The following KLF8 variants were observed in gnomAD, a reference collection of about 807,000 sequenced individuals.
The protein encoded by KLF8 is KLF transcription factor 8.
Under a neutral mutation model 18.2 loss-of-function variants are expected in KLF8, and 10 were observed. That is an observed-to-expected ratio of 0.55 (90% CI 0.34 to 0.93). The LOEUF (loss-of-function observed/expected upper bound fraction) is 0.93. Among genes scored for constraint, KLF8 ranks in the 40% least tolerant of loss-of-function variants. The probability of loss-of-function intolerance (pLI) is 0.02; values close to 1 mark genes in which losing one functional copy is unlikely to be tolerated. For missense variants in KLF8, 264 were observed against 277.9 expected (o/e 0.95, Z 0.36); for synonymous variants, 109 against 97.3 (o/e 1.12, Z -0.71).
chrX:56,106,526 A>T, the KLF8 span, among the ~76,000 whole-genome samples: 158 of 112,188 alleles, frequency 1.4e-3, 1 homozygote, highest in Non-Finnish European at 2.6e-3. Flanking sequence ...TTGTGCATGC[A>T]TCATGAAGTT....
chrX:56,073,808 C>T, the KLF8 span, among the ~76,000 whole-genome samples: 10 of 106,224 alleles, frequency 9.4e-5, no homozygotes, highest in Non-Finnish European at 1.5e-4. Context: ...TGCAATGGCA[C>T]GATGTCAGCT....
At chrX:56,192,627 T>C in the KLF8 span, among the ~76,000 whole-genome samples, 2 of 111,244 alleles carry the variant, frequency 1.8e-5, no homozygotes, top group African/African-American at 6.5e-5. Context: ...CATAGACCGG[T>C]GGAAAAGAAT....
At chrX:56,120,945 T>G in the KLF8 span, among the ~76,000 whole-genome samples, 13 of 110,923 alleles carry the variant, frequency 1.2e-4, no homozygotes, top group South Asian at 1.5e-3. Context: ...CCAGCACTTT[T>G]GGAGGCCAAG....
the KLF8 span, among the ~76,000 whole-genome samples, chrX:56,087,238 G>A: frequency 9.0e-6 from 1 of 110,732 alleles, no homozygotes; most frequent in Middle Eastern, 4.7e-3. Context: ...TGCCTGATAT[G>A]GTTTGGATCT....
the KLF8 span, among the ~76,000 whole-genome samples, chrX:55,948,465 T>G: frequency 7.1e-5 from 8 of 112,101 alleles, no homozygotes; most frequent in Non-Finnish European, 1.5e-4. Flanking sequence ...CAGACCTGAT[T>G]TATTCCCAAT....
the KLF8 span, among the ~76,000 whole-genome samples, chrX:56,067,442 C>T: frequency 2.7e-5 from 3 of 110,317 alleles, no homozygotes; most frequent in Non-Finnish European, 5.7e-5. Context: ...AGAGGCAGTG[C>T]CTAGATGGTA....
intron 2 of KLF8, among the ~76,000 whole-genome samples, chrX:56,263,509 A>G (rs2066915780): frequency 2.5e-5 from 1 of 39,580 alleles, no homozygotes; most frequent in South Asian, 1.4e-3. Context: ...TTTTTGACGC[A>G]GAGTCTTGCT....
the KLF8 span, among the ~76,000 whole-genome samples, chrX:56,207,443 G>A: frequency 5.4e-5 from 6 of 111,923 alleles, no homozygotes; most frequent in East Asian, 1.4e-3. Flanking sequence ...TACTGAAGTC[G>A]CATCTTGAAC....
the KLF8 span, among the ~76,000 whole-genome samples, chrX:56,055,435 G>C: frequency 8.9e-6 from 1 of 111,847 alleles, no homozygotes; most frequent in Non-Finnish European, 1.9e-5. Flanking sequence ...GAAGTTCACT[G>C]TTTGTCTGAT....
chrX:56,218,536 C>T, the KLF8 span, among the ~76,000 whole-genome samples: 3 of 111,671 alleles, frequency 2.7e-5, no homozygotes, highest in Admixed American at 9.5e-5. Flanking sequence ...TCCATCTGAG[C>T]AATATATTAT....
At chrX:56,090,713 A>G in the KLF8 span, among the ~76,000 whole-genome samples, 1 of 111,603 alleles carries the variant, frequency 9.0e-6, no homozygotes, top group Non-Finnish European at 1.9e-5. Context: ...GATATATTAC[A>G]TAGCAGTGAG....
the KLF8 span, among the ~76,000 whole-genome samples, chrX:56,050,301 T>C: frequency 1.8e-5 from 2 of 111,931 alleles, no homozygotes; most frequent in African/African-American, 6.5e-5. Context: ...ATTTCTTGCC[T>C]TCTGCTAGCT....
At chrX:56,004,765 C>T in the KLF8 span, among the ~76,000 whole-genome samples, 1 of 111,548 alleles carries the variant, frequency 9.0e-6, no homozygotes, top group Admixed American at 9.5e-5. Flanking sequence ...GGACACAAAG[C>T]AGAGTGGAGA....
chrX:56,190,196 C>A, the KLF8 span, among the ~76,000 whole-genome samples: 4 of 110,763 alleles, frequency 3.6e-5, no homozygotes, highest in Non-Finnish European at 7.6e-5. Context: ...TTTTATCAGA[C>A]AAAGTAGATT....
At chrX:56,066,819 T>C in the KLF8 span, among the ~76,000 whole-genome samples, 1 of 110,876 alleles carries the variant, frequency 9.0e-6, no homozygotes, top group East Asian at 2.9e-4. Context: ...AGGAGGTGTT[T>C]GGGACACAGA....
chrX:56,190,894 A>G, the KLF8 span, among the ~76,000 whole-genome samples: 1 of 111,581 alleles, frequency 9.0e-6, no homozygotes, highest in Non-Finnish European at 1.9e-5. Context: ...CAATCTAATG[A>G]TGCATCTTAA....
chrX:56,031,648 C>A, the KLF8 span, among the ~76,000 whole-genome samples: 2 of 111,750 alleles, frequency 1.8e-5, no homozygotes, highest in African/African-American at 3.3e-5. Context: ...ACAGGGCAGG[C>A]CTAAGCTGCC....
the KLF8 span, among the ~76,000 whole-genome samples, chrX:56,160,312 T>C: frequency 7.8e-4 from 87 of 111,970 alleles, no homozygotes; most frequent in African/African-American, 2.8e-3. Context: ...CTTCCAACTA[T>C]GTGGTCAGTT....
chrX:56,004,730 G>A, the KLF8 span, among the ~76,000 whole-genome samples: 1 of 111,744 alleles, frequency 8.9e-6, no homozygotes, highest in African/African-American at 3.3e-5. Flanking sequence ...GCCCATTAAT[G>A]AAATACATAT....
Sources: allele counts gnomAD v4.1 joint callset (sites outside exome capture counted in the v4.1 genomes callset), GRCh38; gene constraint gnomAD v4.1.1; transcripts MANE v1.5; gene names NCBI Gene and HGNC (gene_info 2026-07-23, HGNC 2026-07-21).